Variants in PPM1H observed in about 807,000 individuals in gnomAD.
PPM1H encodes the protein protein phosphatase, Mg2+/Mn2+ dependent 1H.
In PPM1H, 27 loss-of-function variants were observed where a neutral mutation model predicts 54.9. The observed-to-expected ratio is 0.49, with a 90% CI of 0.36 to 0.68. The LOEUF is 0.68. PPM1H is among the 30% of genes least tolerant of loss of function. The pLI, the probability that PPM1H is intolerant of heterozygous loss-of-function variation, is 0.00. For missense variants in PPM1H, 596 were observed against 667.8 expected, an observed-to-expected ratio of 0.89 and a Z score of 1.19; for synonymous variants, 305 against 270.8, an observed-to-expected ratio of 1.13 and a Z score of -1.24.
intron 1 of PPM1H, among the ~76,000 whole-genome samples, chr12:62,835,562 T>G (rs1233837253): frequency 6.6e-6 from 1 of 152,204 alleles, no homozygotes; most frequent in African/African-American, 2.4e-5. Flanking sequence ...TGAACGTAGC[T>G]TATGAATAGC....
At chr12:62,833,064 G>A (rs1003849441) in intron 1 of PPM1H, among the ~76,000 whole-genome samples, 2 of 152,054 alleles carry the variant, frequency 1.3e-5, no homozygotes, top group South Asian at 2.1e-4. Flanking sequence ...TTGGGTTTCC[G>A]CACCGCTTTC....
rs1477371435 is a variant in PPM1H at position 62,934,973 on chromosome 12, T to A, written c.-237A>T. 1.1e-5 allele frequency: 3 copies of A among 267,916 alleles called. No homozygotes were observed. Among genetic ancestry groups the A allele is most frequent in the African/African-American group, 4.5e-5 (2 of 44,414 alleles). 16.6% of individuals were successfully genotyped at this position (267,916 alleles called of 1,614,324 possible). On this transcript the variant is annotated 5_prime_UTR_variant, in exon 1 of 10. An upstream start codon of the reference 5' UTR is lost. Transcript: ENST00000228705. This position sits in a 1 kb window ranked among gnomAD's most constrained non-coding sequence, Gnocchi z 4.2. ...GCTACACTTCCGCAACGGAGCTGCATGGAGCGGGCCGACCGGGGGAGTCAC... is the reference window on the plus strand; with the variant it reads ...GCTACACTTCCGCAACGGAGCTGCAAGGAGCGGGCCGACCGGGGGAGTCAC...
intron 8 of PPM1H, among the ~76,000 whole-genome samples, chr12:62,680,986 T>C (rs2076016358): frequency 6.6e-6 from 1 of 152,040 alleles, no homozygotes; most frequent in African/African-American, 2.4e-5. Flanking sequence ...AGCAGGTAAA[T>C]ACTAGGAAGA....
At chr12:62,929,345 T>C (rs748138476) in intron 1 of PPM1H, among the ~76,000 whole-genome samples, 6 of 152,192 alleles carry the variant, frequency 3.9e-5, no homozygotes, top group African/African-American at 9.7e-5. Context: ...TGAAAAATGA[T>C]AGCAAAAATT....
intron 8 of PPM1H, among the ~76,000 whole-genome samples, chr12:62,688,424 T>C (rs1030432490): frequency 8.4e-6 from 1 of 119,248 alleles, no homozygotes; most frequent in African/African-American, 3.5e-5. Flanking sequence ...GTTGCAAAAG[T>C]AATTAAAAAA....
intron 1 of PPM1H, among the ~76,000 whole-genome samples, chr12:62,912,994 A>T (rs1871506780): frequency 6.6e-6 from 1 of 152,228 alleles, no homozygotes; most frequent in South Asian, 2.1e-4. Flanking sequence ...ACAAATATAA[A>T]TGCAGGCTCA....
intron 4 of PPM1H, among the ~76,000 whole-genome samples, chr12:62,779,618 C>G (rs2076630189): frequency 6.6e-6 from 1 of 152,204 alleles, no homozygotes; most frequent in Non-Finnish European, 1.5e-5. Flanking sequence ...CTATCATTAT[C>G]TCCATTTACA....
chr12:62,784,463 C>T (rs1001922094), intron 4 of PPM1H, among the ~76,000 whole-genome samples: 4 of 152,050 alleles, frequency 2.6e-5, no homozygotes, highest in Non-Finnish European at 4.4e-5. Flanking sequence ...TTTTCCTGAG[C>T]GTGAATAATT....
intron 5 of PPM1H, among the ~76,000 whole-genome samples, chr12:62,730,884 C>T (rs1451753122): frequency 6.6e-6 from 1 of 152,192 alleles, no homozygotes; most frequent in Non-Finnish European, 1.5e-5. Flanking sequence ...CCAAGGCTGG[C>T]TGCCTGATTT....
At chr12:62,884,501 C>CAAAAAAAAAAAAAAAA (rs6144736) in intron 1 of PPM1H, among the ~76,000 whole-genome samples, 3 of 89,980 alleles carry the variant, frequency 3.3e-5, no homozygotes, top group African/African-American at 1.2e-4. Context: ...AACTCCATAT[C>CAAAAAAAAAAAAAAAA]AAAAAAAAAA....
intron 4 of PPM1H, among the ~76,000 whole-genome samples, chr12:62,784,230 G>C (rs1436307219): frequency 1.2e-4 from 19 of 152,156 alleles, no homozygotes; most frequent in Non-Finnish European, 1.5e-5. Flanking sequence ...AGACCACATG[G>C]ATCAGGTACT....
chr12:62,793,243 T>C (rs1287574827), intron 3 of PPM1H, among the ~76,000 whole-genome samples: 1 of 152,206 alleles, frequency 6.6e-6, no homozygotes, highest in Non-Finnish European at 1.5e-5. Flanking sequence ...TTGATTTATC[T>C]GCTTAATCAA....
At chr12:62,733,334 A>C (rs1471586749) in intron 5 of PPM1H, among the ~76,000 whole-genome samples, 1 of 152,138 alleles carries the variant, frequency 6.6e-6, no homozygotes, top group Non-Finnish European at 1.5e-5. Flanking sequence ...GGCTTACTGC[A>C]ACCTCCGCCT....
intron 4 of PPM1H, among the ~76,000 whole-genome samples, chr12:62,775,982 T>C (rs939614025): frequency 6.6e-6 from 1 of 151,900 alleles, no homozygotes; most frequent in Admixed American, 6.6e-5. Context: ...GTGAAGGAGG[T>C]ACAAAGGCAC....
intron 5 of PPM1H, among the ~76,000 whole-genome samples, chr12:62,723,657 C>A (rs960642481): frequency 1.3e-5 from 2 of 152,080 alleles, no homozygotes; most frequent in East Asian, 3.8e-4. Flanking sequence ...TTCCCAGACC[C>A]CAGAACTGTG....
chr12:62,679,029 C>T (rs2076003778), intron 8 of PPM1H, among the ~76,000 whole-genome samples: 1 of 152,164 alleles, frequency 6.6e-6, no homozygotes, highest in Admixed American at 6.5e-5. Context: ...GCTCTGTCGC[C>T]AGGCTGGAAT....
intron 4 of PPM1H, among the ~76,000 whole-genome samples, chr12:62,748,725 C>T (rs988931988): frequency 1.3e-5 from 2 of 152,138 alleles, no homozygotes; most frequent in African/African-American, 4.8e-5. Flanking sequence ...AGGTTCATGG[C>T]TTTGGAGGAA....
At chr12:62,927,134 G>A (rs1206305280) in intron 1 of PPM1H, among the ~76,000 whole-genome samples, 1 of 152,170 alleles carries the variant, frequency 6.6e-6, no homozygotes, top group Admixed American at 6.5e-5. Flanking sequence ...AGACACTGCT[G>A]GCTGCAGTGT....
chr12:62,668,927 C>T (rs1465208498), intron 8 of PPM1H, among the ~76,000 whole-genome samples: 4 of 152,196 alleles, frequency 2.6e-5, no homozygotes, highest in Admixed American at 2.6e-4. Flanking sequence ...CAGAACACAA[C>T]AAAATGTTTA....
Sources: allele counts gnomAD v4.1 joint callset (sites outside exome capture counted in the v4.1 genomes callset), GRCh38; gene constraint gnomAD v4.1.1; non-coding constraint Gnocchi (gnomAD v3.1); transcripts MANE v1.5; gene names NCBI Gene and HGNC (gene_info 2026-07-23, HGNC 2026-07-21).